RNF180: variants seen among roughly 807,000 people sequenced by gnomAD.
The protein encoded by RNF180 is E3 ubiquitin-protein ligase RNF180.
RNF180 carries 38 observed loss-of-function variants against 59.2 expected under a neutral mutation model. The observed-to-expected ratio is 0.64, with a 90% CI of 0.50 to 0.84. RNF180 has a LOEUF of 0.84. Among genes scored for constraint, RNF180 ranks in the 40% least tolerant of loss-of-function variants. The pLI is 0.00. For missense variants in RNF180, 705 were observed against 700.9 expected (o/e 1.01, Z -0.07); for synonymous variants, 262 against 240.3 (o/e 1.09, Z -0.84).
chr5:64,256,035 G>T (rs1190372130), intron 5 of RNF180, among the ~76,000 whole-genome samples: 47 of 151,812 alleles, frequency 3.1e-4, no homozygotes, highest in African/African-American at 1.0e-3. Flanking sequence ...TCGCCCACTT[G>T]TTGATGGGGT....
Position 64,361,693 on chromosome 5 carries a change from A to G in RNF180, c.1580-7922A>G, listed in dbSNP as rs2112606190. Among the ~76,000 whole-genome samples the G allele has an allele frequency of 1.3e-5, 2 of 151,730 alleles. 1 individual carries two copies. Among genetic ancestry groups the G allele is most frequent in the South Asian group, 4.1e-4 (2 of 4,826 alleles). On this transcript the variant is annotated intron_variant, in intron 7 of 7. Coordinates refer to ENST00000389100, the MANE Select transcript of RNF180 (RefSeq NM_001113561.2). Reference sequence around the variant, plus strand: ...ACTCTTTGAACCATGTCTTAATACCAAAATAATTAACAGCTTATCACAAAG... The same window carrying G: ...ACTCTTTGAACCATGTCTTAATACCGAAATAATTAACAGCTTATCACAAAG...
At chr5:64,195,040 C>T (rs1429662764) in intron 1 of RNF180, among the ~76,000 whole-genome samples, 2 of 152,116 alleles carry the variant, frequency 1.3e-5, no homozygotes, top group African/African-American at 4.8e-5. Flanking sequence ...TAGTATATTT[C>T]TAGCACCACA....
intron 5 of RNF180, among the ~76,000 whole-genome samples, chr5:64,255,090 T>G (rs2112291655): frequency 6.6e-6 from 1 of 152,328 alleles, no homozygotes; most frequent in Admixed American, 6.5e-5. Context: ...GAGGTGATTC[T>G]GAATCTTAAT....
At chr5:64,307,043 T>C (rs1045618178) in intron 5 of RNF180, among the ~76,000 whole-genome samples, 4 of 151,242 alleles carry the variant, frequency 2.6e-5, no homozygotes, top group Non-Finnish European at 5.9e-5. Flanking sequence ...GTTAATGTAA[T>C]CCAAAATATC....
At chr5:64,242,968 A>G (rs1742889738) in intron 5 of RNF180, among the ~76,000 whole-genome samples, 1 of 152,180 alleles carries the variant, frequency 6.6e-6, no homozygotes, top group African/African-American at 2.4e-5. Flanking sequence ...GCATCACCTC[A>G]CCTGAGAAGC....
At chr5:64,290,182 A>G (rs57614366) in intron 5 of RNF180, among the ~76,000 whole-genome samples, 68,096 of 152,020 alleles carry the variant, frequency 0.45, 16,603 homozygotes, top group African/African-American at 0.65. Flanking sequence ...TTTCCATGTA[A>G]TTGTGTGGTT....
chr5:64,247,151 A>C (rs1743233212), intron 5 of RNF180, among the ~76,000 whole-genome samples: 1 of 152,204 alleles, frequency 6.6e-6, no homozygotes, highest in African/African-American at 2.4e-5. Flanking sequence ...CCCACAGCCA[A>C]TATCATACTG....
Position 64,209,985 on chromosome 5 carries a change from A to AT in RNF180, c.136-2076dup, listed in dbSNP as rs575924932. Among the ~76,000 whole-genome samples the AT allele has an allele frequency of 2.1e-4, 32 of 152,228 alleles. 1 individual carries two copies. In the East Asian group the frequency reaches 6.2e-3, roughly 29 times the overall value. The stretch of plus-strand genomic sequence containing the variant: ...ATAGGTTTCCCAAGTTTCTTTAAAA[A>AT]TTTTGTGTATGAGTTGGAGAGAAAA... On this transcript the variant is annotated intron_variant, in intron 2 of 7. Coordinates refer to ENST00000389100, the MANE Select transcript of RNF180 (RefSeq NM_001113561.2).
At chr5:64,172,755 C>T (rs1463077563) in intron 1 of RNF180, among the ~76,000 whole-genome samples, 2 of 152,120 alleles carry the variant, frequency 1.3e-5, no homozygotes, top group Non-Finnish European at 2.9e-5. Context: ...ACCCTCGATA[C>T]TGGAGGGTGT....
At chr5:64,225,355 G>C (rs189331835) in intron 5 of RNF180, among the ~76,000 whole-genome samples, 1 of 150,992 alleles carries the variant, frequency 6.6e-6, no homozygotes, top group East Asian at 2.0e-4. Flanking sequence ...AGTGAGGAGC[G>C]CCTCTGCCCG....
chr5:64,365,773 T>G lies in RNF180; in HGVS notation c.1580-3842T>G, dbSNP rs561479959. Among the ~76,000 whole-genome samples the G allele has an allele frequency of 1.8e-4, 27 of 151,062 alleles. No homozygotes were observed. In the South Asian group the frequency reaches 5.6e-3, roughly 31 times the overall value. ...TTTTATCTTTGTTGGTTTAAAGTCT[T>G]TGTGAAACTATGATTGCAACCCCTG... On this transcript the variant is annotated intron_variant, in intron 7 of 7. Coordinates refer to ENST00000389100, the MANE Select transcript of RNF180 (RefSeq NM_001113561.2).
intron 4 of RNF180, among the ~76,000 whole-genome samples, chr5:64,216,444 A>G (rs546621799): frequency 9.9e-4 from 151 of 152,290 alleles, no homozygotes; most frequent in African/African-American, 3.4e-3. Context: ...GTACAGATCA[A>G]TCTTGCCCTT....
At chr5:64,330,475 C>T (rs1409522815) in intron 7 of RNF180, 69 bp downstream of exon 7, 2 of 1,354,364 alleles carry the variant, frequency 1.5e-6, no homozygotes, top group Non-Finnish European at 2.0e-6. Flanking sequence ...AAAGTAACTT[C>T]CTGCTGTCTC....
chr5:64,330,454 G>T lies in RNF180; in HGVS notation c.1579+48G>T, dbSNP rs567182439. ...AAAAAGTCTGGTAATTTTGTCTAAG[G>T]TCTGTTCTTAAAAGTAACTTCCTGC... On this transcript the variant is annotated intron_variant, in intron 7 of 7. Coordinates refer to ENST00000389100, the MANE Select transcript of RNF180 (RefSeq NM_001113561.2). 61 of 1,503,112 alleles carry T rather than the reference G, an allele frequency of 4.1e-5. No individual in the cohort carries two copies. The South Asian group carries it at 6.4e-4, about 16-fold the overall frequency. The allele number at this position is 1,503,112 out of a possible 1,614,324, so 93.1% of individuals were successfully genotyped here. A position where few individuals can be genotyped will look rare whatever the true frequency, so the allele number is the denominator to read the frequency against.
intron 1 of RNF180, among the ~76,000 whole-genome samples, chr5:64,166,569 A>G (rs900162027): frequency 6.6e-6 from 1 of 152,210 alleles, no homozygotes; most frequent in African/African-American, 2.4e-5. Context: ...GTGGGAAATT[A>G]CTAGTGCTGT....
intron 5 of RNF180, among the ~76,000 whole-genome samples, chr5:64,277,981 T>C (rs1218607169): frequency 6.6e-6 from 1 of 152,246 alleles, no homozygotes; most frequent in Non-Finnish European, 1.5e-5. Context: ...TATTGGTTTA[T>C]CCAACCAAGA....
chr5:64,288,630 T>G (rs1742413270), intron 5 of RNF180, among the ~76,000 whole-genome samples: 1 of 152,202 alleles, frequency 6.6e-6, no homozygotes, highest in Admixed American at 6.5e-5. Flanking sequence ...GCTGTATTCC[T>G]AGGTATTTTA....
intron 5 of RNF180, among the ~76,000 whole-genome samples, chr5:64,323,421 A>T (rs1169988349): frequency 6.6e-6 from 1 of 152,088 alleles, no homozygotes; most frequent in Non-Finnish European, 1.5e-5. Flanking sequence ...CATGCCTGTA[A>T]TCCCAACTAC....
At chr5:64,293,529 C>T (rs961774590) in intron 5 of RNF180, among the ~76,000 whole-genome samples, 32 of 151,928 alleles carry the variant, frequency 2.1e-4, no homozygotes, top group African/African-American at 7.7e-4. Context: ...TCTAAACTTG[C>T]ACTATTATGT....
Sources: gnomAD v4.1 joint callset for allele counts (sites outside exome capture counted in the v4.1 genomes callset) on GRCh38, gnomAD v4.1.1 for gene constraint, MANE v1.5 for transcripts, NCBI Gene and HGNC (gene_info 2026-07-23, HGNC 2026-07-21) for gene names.